Variants in TLE1 observed in about 807,000 individuals in gnomAD.
The protein encoded by TLE1 is transducin-like enhancer protein 1.
TLE1 carries 21 observed loss-of-function variants against 89.8 expected under a neutral mutation model. The ratio of observed to expected loss-of-function variants is 0.23; its 90% CI spans 0.17 to 0.34. TLE1 has a LOEUF of 0.34. Among genes scored for constraint, TLE1 ranks in the 10% least tolerant of loss-of-function variants. The probability of loss-of-function intolerance (pLI) is 1.00; values close to 1 mark genes in which losing one functional copy is unlikely to be tolerated. For missense variants in TLE1, 795 were observed against 1,031.2 expected (o/e 0.77, Z 3.14); for synonymous variants, 447 against 407.6 (o/e 1.10, Z -1.16).
At chr9:81,685,057 A>C (rs1834092902) in intron 4 of TLE1, among the ~76,000 whole-genome samples, 1 of 152,204 alleles carries the variant, frequency 6.6e-6, no homozygotes, top group African/African-American at 2.4e-5. Flanking sequence ...TTCATGCTTT[A>C]AAAACCACTA....
At chr9:81,659,703 C>G (rs74611265) in intron 4 of TLE1, among the ~76,000 whole-genome samples, 1 of 152,112 alleles carries the variant, frequency 6.6e-6, no homozygotes, top group Non-Finnish European at 1.5e-5. Flanking sequence ...CCCTCATCAT[C>G]CAAAAATTAG....
intron 8 of TLE1, among the ~76,000 whole-genome samples, chr9:81,627,366 G>A (rs1826033911): frequency 6.6e-6 from 1 of 150,928 alleles, no homozygotes; most frequent in South Asian, 2.1e-4. Flanking sequence ...TGTAATCACA[G>A]TGCAATAAAA....
At chr9:81,615,674 C>T (rs971189380) in intron 11 of TLE1, among the ~76,000 whole-genome samples, 4 of 146,616 alleles carry the variant, frequency 2.7e-5, no homozygotes, top group Non-Finnish European at 5.9e-5. Context: ...GACTGCACCA[C>T]TGCACTCTAG....
At chr9:81,605,099 C>T (rs915067495) in intron 14 of TLE1, among the ~76,000 whole-genome samples, 1 of 152,184 alleles carries the variant, frequency 6.6e-6, no homozygotes, top group Non-Finnish European at 1.5e-5. Flanking sequence ...CTATGAATGG[C>T]AACTGTGCCT....
chr9:81,632,731 C>G (rs1465393259), intron 8 of TLE1, among the ~76,000 whole-genome samples: 1 of 151,834 alleles, frequency 6.6e-6, no homozygotes, highest in East Asian at 1.9e-4. Context: ...CGCACACAGC[C>G]CTGTCCACTG....
chr9:81,644,813 G>A (rs866622225), intron 6 of TLE1, among the ~76,000 whole-genome samples: 3 of 151,464 alleles, frequency 2.0e-5, no homozygotes, highest in Non-Finnish European at 2.9e-5. Flanking sequence ...GGCCAATATG[G>A]TGAAACCCCA....
chr9:81,591,954 C>A (rs1829585174), intron 15 of TLE1, among the ~76,000 whole-genome samples: 1 of 152,194 alleles, frequency 6.6e-6, no homozygotes, highest in Non-Finnish European at 1.5e-5. Flanking sequence ...GCACCATCTG[C>A]AACAGCAGAG....
chr9:81,667,854 C>T (rs1428041335), intron 4 of TLE1, among the ~76,000 whole-genome samples: 1 of 152,162 alleles, frequency 6.6e-6, no homozygotes, highest in African/African-American at 2.4e-5. Flanking sequence ...CCGCAACTCA[C>T]TCTCAAAGTA....
chr9:81,613,275 A>G, intron 12 of TLE1, 102 bp downstream of exon 12: 1 of 1,497,608 alleles, frequency 6.7e-7, no homozygotes, highest in East Asian at 2.3e-5. Flanking sequence ...CCCTACGTAC[A>G]TTTCATATTT....
chr9:81,617,109 T>A (rs2132133439), intron 9 of TLE1, among the ~76,000 whole-genome samples: 1 of 147,336 alleles, frequency 6.8e-6, no homozygotes, highest in Admixed American at 6.8e-5. Context: ...GGAAACCATT[T>A]TCCCATGGGA....
rs143975109 is a variant in TLE1, at chr9:81,654,618, G to A, written c.235-582C>T. Among the ~76,000 whole-genome samples, 1,292 of 152,330 alleles carry A rather than the reference G, an allele frequency of 8.5e-3. 17 individuals carry two copies. The Middle Eastern group carries it at 0.12, about 14-fold the overall frequency. On this transcript the variant is annotated intron_variant, in intron 4 of 19. Transcript: ENST00000376499. ...GGCCTCCCAAAGTGCTGGGATTACAGGCGTGAGCCACTGCACCCAGCCAAG... is the reference window on the plus strand; with the variant it reads ...GGCCTCCCAAAGTGCTGGGATTACAAGCGTGAGCCACTGCACCCAGCCAAG...
At chr9:81,614,949 C>T (rs556522071) in intron 11 of TLE1, among the ~76,000 whole-genome samples, 1 of 151,670 alleles carries the variant, frequency 6.6e-6, no homozygotes, top group African/African-American at 2.4e-5. Context: ...AATCCCAGCA[C>T]TTTGGGAGGC....
rs1827107820 is a variant in TLE1, at chr9:81,634,378, C to T, written c.373-77G>A. On this transcript the variant is annotated intron_variant, in intron 6 of 19. Transcript: ENST00000376499. ...GTGACAGTGATGGCGATGGAGGCGG[C>T]ATCCAGGGGAAAACAGACATGACAG... 4 of 1,245,548 alleles carry T rather than the reference C, an allele frequency of 3.2e-6. No individual in the cohort carries two copies. The Admixed American group carries it at 8.8e-5, about 27-fold the overall frequency. The allele number at this position is 1,245,548 out of a possible 1,614,324, so 77.2% of individuals were successfully genotyped here. A position where few individuals can be genotyped will look rare whatever the true frequency, so the allele number is the denominator to read the frequency against.
chr9:81,604,544 C>T (rs1251053732), intron 14 of TLE1, among the ~76,000 whole-genome samples: 2 of 152,178 alleles, frequency 1.3e-5, no homozygotes, highest in African/African-American at 4.8e-5. Flanking sequence ...ACAGATTCAG[C>T]TCAAGGGCTA....
intron 4 of TLE1, among the ~76,000 whole-genome samples, chr9:81,680,751 T>C (rs1833513804): frequency 6.6e-6 from 1 of 152,034 alleles, no homozygotes; most frequent in Non-Finnish European, 1.5e-5. Flanking sequence ...GCTAATGAAG[T>C]TGAGGACCAC....
chr9:81,619,173 T>C (rs1246383299), intron 9 of TLE1, among the ~76,000 whole-genome samples: 2 of 152,194 alleles, frequency 1.3e-5, no homozygotes, highest in South Asian at 2.1e-4. Flanking sequence ...TGAAAGTACA[T>C]GCATGGGACA....
intron 11 of TLE1, 76 bp downstream of exon 11, chr9:81,615,906 C>T: frequency 1.3e-6 from 2 of 1,565,194 alleles, no homozygotes; most frequent in Non-Finnish European, 1.7e-6. Context: ...CCCCACATTT[C>T]CAATACTTCA....
intron 6 of TLE1, among the ~76,000 whole-genome samples, chr9:81,642,061 C>T (rs1397783308): frequency 6.7e-6 from 1 of 148,806 alleles, no homozygotes; most frequent in Non-Finnish European, 1.5e-5. Flanking sequence ...TCACCTCAAA[C>T]CTGCTGAAAT....
chr9:81,605,971 G>A (rs1189298099), intron 14 of TLE1, among the ~76,000 whole-genome samples: 1 of 152,132 alleles, frequency 6.6e-6, no homozygotes, highest in Admixed American at 6.5e-5. Context: ...GATATGAACA[G>A]ACACTTCTCA....
Sources: allele counts gnomAD v4.1 joint callset (sites outside exome capture counted in the v4.1 genomes callset), GRCh38; gene constraint gnomAD v4.1.1; transcripts MANE v1.5; gene names NCBI Gene and HGNC (gene_info 2026-07-23, HGNC 2026-07-21).